KMT2D: variants seen among roughly 807,000 people sequenced by gnomAD.
KMT2D encodes the protein lysine methyltransferase 2D, also known as histone-lysine N-methyltransferase 2D.
KMT2D carries 55 observed loss-of-function variants against 512.7 expected under a neutral mutation model. The ratio of observed to expected loss-of-function variants is 0.11; its 90% CI spans 0.09 to 0.13. The LOEUF (loss-of-function observed/expected upper bound fraction) is 0.13, where lower values mean the gene tolerates loss of function less well. Ranked by LOEUF, KMT2D falls within the 10% of genes least tolerant of loss-of-function variation. KMT2D has a pLI of 1.00. For missense variants in KMT2D, 6,061 were observed against 7,127.9 expected (o/e 0.85, Z 5.39); for synonymous variants, 2,995 against 2,904.0 (o/e 1.03, Z -1.01).
rs754353663 is a variant in KMT2D at position 49,039,814 on chromosome 12, C to G, written c.7956G>C (p.Met2652Ile). 1.1e-5 allele frequency: 18 copies of G among 1,613,948 alleles called. No homozygotes were observed. In the South Asian group the frequency reaches 1.8e-4, roughly 16 times the overall value. Residue 2652 changes from methionine to isoleucine, a missense_variant, in exon 32 of 55, where the codon ATG becomes ATC. By Grantham distance (10) the Met-to-Ile change is conservative (BLOSUM62 1). Around this residue, in one of 16 missense-constraint regions of KMT2D, gnomAD observed 527 missense variants for 578.9 expected, o/e 0.91. Transcript: ENST00000301067. This position sits in a 1 kb window ranked among gnomAD's most constrained non-coding sequence, Gnocchi z 5.0. ...VEKREDPGTG[M>I]GSSLATAELP... is the part of the protein sequence containing the mutation. Reference sequence around the variant, plus strand: ...GTTCAGCTGTCGCCAAAGAGCTACCCATTCCAGTCCCTGGGTCTTCTCGCT... The same window carrying G: ...GTTCAGCTGTCGCCAAAGAGCTACCGATTCCAGTCCCTGGGTCTTCTCGCT...
rs1943699501 is a variant in KMT2D, at chr12:49,044,578, C to T, written c.4964-56G>A. The T allele has an allele frequency of 6.3e-7, 1 of 1,595,078 alleles. No individual in the cohort carries two copies. Among genetic ancestry groups the T allele is most frequent in the Non-Finnish European group, 8.5e-7 (1 of 1,169,880 alleles). The stretch of plus-strand genomic sequence containing the variant: ...AATCAGAACTATAGGCCCTTTTAAC[C>T]TTGTCATCCTGCCACTGAGAGAGCT... On this transcript the variant is annotated intron_variant, in intron 20 of 54. Coordinates refer to ENST00000301067, the MANE Select transcript of KMT2D (RefSeq NM_003482.4). The surrounding 1 kb of genome is among the most constrained non-coding windows in gnomAD (Gnocchi z 6.4).
chr12:49,043,243 G>C, intron 25 of KMT2D, 57 bp from the exon 26 acceptor site: 8 of 1,541,170 alleles, frequency 5.2e-6, no homozygotes, highest in Middle Eastern at 1.7e-4. Flanking sequence ...TGGCCACTCT[G>C]AACCACAGAG....
In KMT2D at chr12:49,043,422, T is replaced by A. The variant is rs2120568490; in HGVS notation, c.5474A>T (p.Asp1825Val). 2 of 1,613,918 alleles carry A rather than the reference T, an allele frequency of 1.2e-6. No individual in the cohort carries two copies. Among genetic ancestry groups the A allele is most frequent in the Non-Finnish European group, 1.7e-6 (2 of 1,179,842 alleles). ...KELPTSQKGD[D>V]GPDIADEESR... ...TTCTTCATCTGCAATATCTGGACCA[T>A]CATCTCCTATGAGCAAGAGTCCCCC... is the stretch of plus-strand genomic sequence containing the variant. The change falls in exon 25 of 55, where the codon GAT (aspartate) becomes GTT (valine). Residue 1825 changes from aspartate to valine, a missense_variant. Physicochemically the swap from Asp to Val is radical, Grantham distance 152. Coordinates refer to ENST00000301067, the MANE Select transcript of KMT2D (RefSeq NM_003482.4).
Position 49,050,870 on chromosome 12 carries a change from A to C in KMT2D, c.2797+16T>G, listed in dbSNP as rs1937933096. The C allele has an allele frequency of 6.5e-7, 1 of 1,544,230 alleles. No individual in the cohort carries two copies. Among genetic ancestry groups the C allele is most frequent in the African/African-American group, 1.4e-5 (1 of 72,924 alleles). ...TACAGCTGTTCCAGAATAACAGAGT[A>C]CTAACATCCCCTTACCTGGTGGCAT... is the stretch of plus-strand genomic sequence containing the variant. On this transcript the variant is annotated intron_variant, in intron 11 of 54. Transcript: ENST00000301067.
In KMT2D at chr12:49,050,798, GAA is replaced by G; in HGVS notation, c.2798-10_2798-9del. ...GTGGAGGAGGAAGGGGATCTGGAAG[GAA>G]AGAGAAAAAAGAAGGGCTCTTAGAT... is the stretch of plus-strand genomic sequence containing the variant. On this transcript the variant is annotated splice_polypyrimidine_tract_variant and intron_variant, in intron 11 of 54. Coordinates refer to ENST00000301067, the MANE Select transcript of KMT2D (RefSeq NM_003482.4). 6.3e-7 allele frequency: 1 copy of G among 1,586,786 alleles called. No homozygotes were observed. Among genetic ancestry groups the G allele is most frequent in the Middle Eastern group, 1.7e-4 (1 of 5,894 alleles).
intron 49 of KMT2D, among the ~76,000 whole-genome samples, chr12:49,025,184 G>T (rs1433744971): frequency 6.6e-6 from 1 of 152,202 alleles, no homozygotes; most frequent in African/African-American, 2.4e-5. Flanking sequence ...GGGCCCAGGA[G>T]ACCCAGCATA....
Position 49,051,716 on chromosome 12 carries a change from A to T in KMT2D, c.1967T>A (p.Leu656Gln). 8.4e-7 allele frequency: 1 copy of T among 1,191,754 alleles called. No individual in the cohort carries two copies. The highest frequency in any genetic ancestry group is 1.1e-6 in the Non-Finnish European group (1 of 917,070). 73.8% of individuals were successfully genotyped at this position (1,191,754 alleles called of 1,614,324 possible). ...PPPEVSRLSP[L>Q]PVVSRLSPPP... is the part of the protein sequence containing the mutation. ...TGGAGACAGGCGTGACACCACAGGC[A>T]GGGGGGATAGGCGCGATACCTCAGG... The change falls in exon 11 of 55, where the codon CTG becomes CAG. Residue 656 changes from leucine to glutamine, a missense_variant. This residue lies in a region of KMT2D where 848 missense variants were observed against 838.5 expected (regional missense o/e 1.01). Transcript: ENST00000301067.
chr12:49,050,956 G>T lies in KMT2D; in HGVS notation c.2727C>A (p.Ser909=), dbSNP rs1277683303. The T allele has an allele frequency of 6.4e-7, 1 of 1,557,134 alleles. No individual in the cohort carries two copies. Among genetic ancestry groups the T allele is most frequent in the East Asian group, 2.2e-5 (1 of 44,474 alleles). Residue 909 remains serine (S), a synonymous_variant, in exon 11 of 55, where the codon TCC becomes TCA. Transcript: ENST00000301067. The stretch of plus-strand genomic sequence containing the variant: ...ACAACGGCAGCTCCTCGGGCAGAGG[G>T]GACAGAGGTGGTTCCCCAGGCTCAG... ...ALSEPGEPPL[S]PLPEELPLSP...
In KMT2D at chr12:49,046,625, C is replaced by A. The variant is rs773072573; in HGVS notation, c.4402G>T (p.Gly1468Cys). ...TCTCCTTACCACTTGCACTTCCAGC[C>A]GCCCTTGGGGACGGTGAGCAGTGGG... The part of the protein sequence containing the change: ...DPPLLTVPKG[G>C]WKCKWCVSCM... Residue 1468 changes from glycine (G) to cysteine (C), a missense_variant, in exon 16 of 55, where the codon GGC becomes TGC. Transcript: ENST00000301067. The surrounding 1 kb of genome is among the most constrained non-coding windows in gnomAD (Gnocchi z 4.2). 4 of 1,611,804 alleles carry A rather than the reference C, an allele frequency of 2.5e-6. No individual in the cohort carries two copies. Among genetic ancestry groups the A allele is most frequent in the Non-Finnish European group, 3.4e-6 (4 of 1,178,402 alleles).
chr12:49,024,112 A>G lies in KMT2D; in HGVS notation c.16052+466T>C, dbSNP rs1423313067. ...TGGATGTGAAAACGCTTTGAAAAAA[A>G]AAGTATAAAGTGCTATACAAATGTA... On this transcript the variant is annotated intron_variant, in intron 51 of 54. Transcript: ENST00000301067. The surrounding 1 kb of genome is among the most constrained non-coding windows in gnomAD (Gnocchi z 4.5). 1.3e-5 allele frequency: 6 copies of G among 455,986 alleles called. No homozygotes were observed. The highest frequency in any genetic ancestry group is 2.2e-5 in the Non-Finnish European group (5 of 227,444). The allele number at this position is 455,986 out of a possible 1,614,324, so 28.2% of individuals were successfully genotyped here. A position where few individuals can be genotyped will look rare whatever the true frequency, so the allele number is the denominator to read the frequency against.
Position 49,040,100 on chromosome 12 carries a change from G to A in KMT2D, c.7670C>T (p.Pro2557Leu), listed in dbSNP as rs189888707. 7.6e-3 allele frequency: 12,278 copies of A among 1,613,868 alleles called. 105 individuals carry two copies. The highest frequency in any genetic ancestry group is 0.04 in the Middle Eastern group (241 of 6,062). ...LKPPVPQPGL[P>L]PPHGINSHFG... ...ATGGCTGTTGATCCCATGGGGTGGC[G>A]GGAGACCAGGCTGAGGGACAGGGGG... The change falls in exon 32 of 55, where the codon CCG becomes CTG. Residue 2557 changes from proline to leucine, a missense_variant. Coordinates refer to ENST00000301067, the MANE Select transcript of KMT2D (RefSeq NM_003482.4).
chr12:49,022,615 C>T lies in KMT2D; in HGVS notation c.16313G>A (p.Arg5438Gln), dbSNP rs901788137. Residue 5438 changes from arginine to glutamine, a missense_variant, in exon 52 of 55, where the codon CGG (arginine) becomes CAG (glutamine). By Grantham distance (43) the Arg-to-Gln change is conservative. Coordinates refer to ENST00000301067, the MANE Select transcript of KMT2D (RefSeq NM_003482.4). This position sits in a 1 kb window ranked among gnomAD's most constrained non-coding sequence, Gnocchi z 8.6. ...GTIIRNEVAN[R>Q]REKIYEEQNR... ...CTGCTCTTCGTAGATTTTCTCCCGC[C>T]GGTTGGCCACCTCGTTCCGAATGAT... 7.4e-6 allele frequency: 12 copies of T among 1,613,824 alleles called. No individual in the cohort carries two copies. The highest frequency in any genetic ancestry group is 1.1e-5 in the South Asian group (1 of 91,076).
rs765798441 is a variant in KMT2D at position 49,042,654 on chromosome 12, C to T, written c.5783-9G>A. ...GCCCAAAGGGAGTCCACCTACAAGA[C>T]GGACAGGATCAGAGAAAAGAGCAAC... On this transcript the variant is annotated splice_polypyrimidine_tract_variant and intron_variant, in intron 27 of 54. Transcript: ENST00000301067. The surrounding 1 kb of genome is among the most constrained non-coding windows in gnomAD (Gnocchi z 4.4). 17 of 1,612,060 alleles carry T rather than the reference C, an allele frequency of 1.1e-5. No individual in the cohort carries two copies. Among genetic ancestry groups the T allele is most frequent in the East Asian group, 4.5e-5 (2 of 44,868 alleles).
intron 2 of KMT2D, 119 bp from the exon 3 acceptor site, chr12:49,055,145 G>T (rs1311113651): frequency 6.5e-7 from 1 of 1,549,028 alleles, no homozygotes; most frequent in Non-Finnish European, 8.9e-7. Flanking sequence ...TATTTCAACT[G>T]TTGTCCCAAA....
rs1938639795 is a variant in KMT2D at position 49,059,937 on chromosome 12, G to A, written c.-362C>T. 1.3e-5 allele frequency among the ~76,000 whole-genome samples: 2 copies of A among 151,730 alleles called. No homozygotes were observed. Among genetic ancestry groups the A allele is most frequent in the Non-Finnish European group, 2.9e-5 (2 of 67,876 alleles). On this transcript the variant is annotated 5_prime_UTR_variant, in exon 1 of 55. Transcript: ENST00000301067. The stretch of plus-strand genomic sequence containing the variant: ...GGCTCCGCATCCGCGTCGCCGGGCG[G>A]CCTCTCAGTCCTAGGGCCCGGCCAG...
In KMT2D at chr12:49,054,139, C is replaced by T. The variant is rs1362887681; in HGVS notation, c.512G>A (p.Arg171His). Residue 171 changes from arginine to histidine, a missense_variant and splice_region_variant, in exon 6 of 55, where the codon CGC becomes CAC. Around this residue, in one of 16 missense-constraint regions of KMT2D, gnomAD observed 160 missense variants for 225.8 expected, o/e 0.71. Transcript: ENST00000301067. This position sits in a 1 kb window ranked among gnomAD's most constrained non-coding sequence, Gnocchi z 6.4. ...DKAIFSGISQ[R>H]CSHCTRLGAS... Reference sequence around the variant, plus strand: ...ACCGAGCCTGGTGCAGTGGGAGCAGCGCTGCCAGGGTGAAAAAAGAGCCTC... The same window carrying T: ...ACCGAGCCTGGTGCAGTGGGAGCAGTGCTGCCAGGGTGAAAAAAGAGCCTC... 8 of 1,599,592 alleles carry T rather than the reference C, an allele frequency of 5.0e-6. No homozygotes were observed. The highest frequency in any genetic ancestry group is 1.3e-5 in the African/African-American group (1 of 74,676).
chr12:49,039,027 A>G lies in KMT2D; in HGVS notation c.8367-38T>C, dbSNP rs1592132345. On this transcript the variant is annotated intron_variant, in intron 34 of 54. Coordinates refer to ENST00000301067, the MANE Select transcript of KMT2D (RefSeq NM_003482.4). The surrounding 1 kb of genome is among the most constrained non-coding windows in gnomAD (Gnocchi z 5.0). ...ACAGTAGTCAGTAGGATGAAATCAGATGAAAAGGAGCAAGAACATGGGCTT... is the reference window on the plus strand; with the variant it reads ...ACAGTAGTCAGTAGGATGAAATCAGGTGAAAAGGAGCAAGAACATGGGCTT... 1.1e-5 allele frequency: 17 copies of G among 1,549,910 alleles called. No homozygotes were observed. The highest frequency in any genetic ancestry group is 1.5e-5 in the Non-Finnish European group (17 of 1,144,352).
At position 49,034,290 on chromosome 12, in the gene KMT2D, T is replaced by G. The variant is rs1377058372; in HGVS notation, c.10517A>C (p.Asp3506Ala). ...CAGCCACTCCTCATACTGCCGCTGG[T>G]CAGCTTCATCTGGGAAAAGAAGCTG... ...TFAQGVINEA[D>A]QRQYEEWLFH... Residue 3506 changes from aspartate to alanine, a missense_variant, in exon 39 of 55, where the codon GAC becomes GCC. By Grantham distance (126) the Asp-to-Ala change is moderately radical. Coordinates refer to ENST00000301067, the MANE Select transcript of KMT2D (RefSeq NM_003482.4). 3.1e-6 allele frequency: 5 copies of G among 1,612,430 alleles called. No homozygotes were observed. The highest frequency in any genetic ancestry group is 4.2e-6 in the Non-Finnish European group (5 of 1,178,722).
chr12:49,040,273 G>T lies in KMT2D; in HGVS notation c.7497C>A (p.Pro2499=), dbSNP rs201218526. 3.1e-6 allele frequency: 5 copies of T among 1,608,918 alleles called. No homozygotes were observed. In the African/African-American group the frequency reaches 6.7e-5, roughly 21 times the overall value. ...LGAGGFPAAL[P]AGPAGELHAK... ...CATGGAGCTCACCTGCTGGCCCCGC[G>T]GGCAGGGCTGCTGGGAACCCCCCAG... Residue 2499 remains proline, a synonymous_variant, in exon 32 of 55, where the codon CCC becomes CCA. Transcript: ENST00000301067.
Sources: allele counts gnomAD v4.1 joint callset (sites outside exome capture counted in the v4.1 genomes callset), GRCh38; gene constraint gnomAD v4.1.1; regional missense constraint gnomAD v4.1.1; non-coding constraint Gnocchi (gnomAD v3.1); transcripts MANE v1.5; gene names NCBI Gene and HGNC (gene_info 2026-07-23, HGNC 2026-07-21).